FSHR: variants seen among roughly 807,000 people sequenced by gnomAD.
FSHR encodes follicle stimulating hormone receptor.
FSHR carries 46 observed loss-of-function variants against 52.1 expected under a neutral mutation model. The ratio of observed to expected loss-of-function variants is 0.88; its 90% CI spans 0.70 to 1.13. The LOEUF is 1.13. Ranked by LOEUF, FSHR falls within the 50% of genes most tolerant of loss-of-function variation. The pLI is 0.00. For synonymous variants in FSHR, 399 were observed against 309.6 expected (o/e 1.29, Z -3.03); for missense variants, 964 against 834.6 (o/e 1.16, Z -1.91).
chr2:49,119,871 A>G (rs116838738), intron 1 of FSHR, among the ~76,000 whole-genome samples: 2,825 of 152,298 alleles, frequency 0.019, 93 homozygotes, highest in African/African-American at 0.064. Context: ...AACTGGGACT[A>G]ATAATAGTCT....
At chr2:49,140,729 T>A (rs1395099630) in intron 1 of FSHR, among the ~76,000 whole-genome samples, 1 of 151,172 alleles carries the variant, frequency 6.6e-6, no homozygotes, top group African/African-American at 2.4e-5. Flanking sequence ...AAAAAAAAGG[T>A]ACAGTTCCCC....
intron 1 of FSHR, among the ~76,000 whole-genome samples, chr2:49,141,137 G>GC (rs1333833106): frequency 6.6e-6 from 1 of 152,096 alleles, no homozygotes; most frequent in African/African-American, 2.4e-5. Flanking sequence ...ATTTATTTCT[G>GC]GAAATTGTCA....
At chr2:49,134,336 A>G (rs1282443793) in intron 1 of FSHR, among the ~76,000 whole-genome samples, 1 of 152,264 alleles carries the variant, frequency 6.6e-6, no homozygotes, top group Non-Finnish European at 1.5e-5. Context: ...ACTGGCCATC[A>G]GAGAAATGCA....
chr2:49,013,093 C>G (rs1452430578), intron 4 of FSHR, among the ~76,000 whole-genome samples: 2 of 151,852 alleles, frequency 1.3e-5, no homozygotes, highest in South Asian at 2.1e-4. Flanking sequence ...CTCCACCTCT[C>G]TCTCCCTCTC....
chr2:49,097,200 A>G (rs1442149194), intron 1 of FSHR, among the ~76,000 whole-genome samples: 1 of 151,992 alleles, frequency 6.6e-6, no homozygotes, highest in Non-Finnish European at 1.5e-5. Context: ...TTTTCTGTTC[A>G]GTTTCCATCA....
intron 1 of FSHR, among the ~76,000 whole-genome samples, chr2:49,140,319 C>G (rs547761957): frequency 8.4e-4 from 128 of 152,050 alleles, no homozygotes; most frequent in Non-Finnish European, 1.5e-3. Context: ...CACCACCCCC[C>G]ACCCATTCTC....
intron 4 of FSHR, among the ~76,000 whole-genome samples, chr2:49,000,940 T>C (rs1042016584): frequency 1.3e-5 from 2 of 152,120 alleles, no homozygotes; most frequent in African/African-American, 4.8e-5. Context: ...CAGATTTTTC[T>C]TCTAAGAAAA....
At chr2:49,029,637 G>T (rs1245823759) in intron 2 of FSHR, among the ~76,000 whole-genome samples, 1 of 152,168 alleles carries the variant, frequency 6.6e-6, no homozygotes, top group South Asian at 2.1e-4. Context: ...AAGATCACAT[G>T]AATAATGCAT....
At chr2:49,001,392 C>T (rs989990293) in intron 4 of FSHR, among the ~76,000 whole-genome samples, 1 of 152,096 alleles carries the variant, frequency 6.6e-6, no homozygotes, top group African/African-American at 2.4e-5. Flanking sequence ...GATGTTGCTT[C>T]CATCATACTG....
chr2:49,017,637 G>C, intron 3 of FSHR, 74 bp from the exon 4 acceptor site: 5 of 1,087,374 alleles, frequency 4.6e-6, no homozygotes, highest in Non-Finnish European at 7.1e-6. Context: ...ATTTTACAGA[G>C]TACATAATAA....
chr2:49,017,465 G>A (rs760896533), intron 4 of FSHR, 24 bp downstream of exon 4: 2 of 1,564,336 alleles, frequency 1.3e-6, no homozygotes, highest in South Asian at 2.2e-5. Context: ...CATAGTGGGG[G>A]TACCAAACTA....
intron 2 of FSHR, among the ~76,000 whole-genome samples, chr2:49,047,265 G>A (rs748134535): frequency 2.6e-4 from 40 of 152,184 alleles, no homozygotes; most frequent in Non-Finnish European, 5.0e-4. Flanking sequence ...ATATGTACAT[G>A]TGGAGAGAAG....
chr2:48,976,624 G>C (rs1675002997), intron 8 of FSHR, among the ~76,000 whole-genome samples: 1 of 151,962 alleles, frequency 6.6e-6, no homozygotes, highest in Admixed American at 6.6e-5. Flanking sequence ...GGCTTTTTTT[G>C]GTTGGTAGGC....
chr2:49,062,000 C>A (rs1225207772), intron 2 of FSHR, among the ~76,000 whole-genome samples: 2 of 151,566 alleles, frequency 1.3e-5, no homozygotes, highest in East Asian at 3.9e-4. Context: ...CTGGAGAGAT[C>A]ATCTGGACAG....
intron 1 of FSHR, among the ~76,000 whole-genome samples, chr2:49,115,427 G>T (rs181228342): frequency 7.5e-4 from 114 of 152,226 alleles, no homozygotes; most frequent in Middle Eastern, 3.4e-3. Flanking sequence ...GGCCAGTGTG[G>T]TCATGATTTT....
At chr2:49,034,662 T>C (rs917183126) in intron 2 of FSHR, among the ~76,000 whole-genome samples, 2 of 152,216 alleles carry the variant, frequency 1.3e-5, no homozygotes, top group Admixed American at 1.3e-4. Flanking sequence ...TTGGAATGAT[T>C]AGAATTATTA....
intron 1 of FSHR, among the ~76,000 whole-genome samples, chr2:49,148,047 T>A (rs1672932058): frequency 6.6e-6 from 1 of 151,938 alleles, no homozygotes; most frequent in Admixed American, 6.6e-5. Flanking sequence ...AAATTCAGGG[T>A]CTAGAATCTG....
At chr2:48,980,945 A>C (rs573220546) in intron 8 of FSHR, among the ~76,000 whole-genome samples, 2 of 152,338 alleles carry the variant, frequency 1.3e-5, no homozygotes, top group African/African-American at 4.8e-5. Context: ...CACACCCATC[A>C]CTGACATATT....
At position 48,963,533 on chromosome 2, in the gene FSHR, G is replaced by C; in HGVS notation, c.1288C>G (p.His430Asp). The C allele has an allele frequency of 2.5e-6, 4 of 1,614,196 alleles. No individual in the cohort carries two copies. The highest frequency in any genetic ancestry group is 3.4e-6 in the Non-Finnish European group (4 of 1,180,028). ...SVDIHTKSQY[H>D]NYAIDWQTGA... ...GTTTGCCAGTCAATGGCATAGTTGT[G>C]ATATTGGCTCTTGGTATGGATATCA... is the stretch of plus-strand genomic sequence containing the variant. Residue 430 changes from histidine to aspartate, a missense_variant, in exon 10 of 10, where the codon CAC (histidine) becomes GAC (aspartate). His to Asp is a moderately conservative substitution (Grantham distance 81). Coordinates refer to ENST00000406846, the MANE Select transcript of FSHR (RefSeq NM_000145.4).
Sources: allele counts gnomAD v4.1 joint callset (sites outside exome capture counted in the v4.1 genomes callset), GRCh38; gene constraint gnomAD v4.1.1; transcripts MANE v1.5; gene names NCBI Gene and HGNC (gene_info 2026-07-23, HGNC 2026-07-21).